The following FBXO22 variants were observed in gnomAD, a reference collection of about 807,000 sequenced individuals.
FBXO22 encodes F-box only protein 22.
A neutral mutation model predicts 37.2 loss-of-function variants in FBXO22; 13 were observed. That is an observed-to-expected ratio of 0.35 (90% CI 0.23 to 0.56). FBXO22 has a LOEUF of 0.56. Among genes scored for constraint, FBXO22 ranks in the 20% least tolerant of loss-of-function variants. The probability of loss-of-function intolerance (pLI) is 0.87; values close to 1 mark genes in which losing one functional copy is unlikely to be tolerated. For missense variants in FBXO22, 446 were observed against 509.9 expected (o/e 0.87, Z 1.21); for synonymous variants, 189 against 189.1 (o/e 1.00, Z 0.00).
chr15:75,916,088 CT>C (rs1044541624), intron 4 of FBXO22, among the ~76,000 whole-genome samples: 2 of 131,292 alleles, frequency 1.5e-5, no homozygotes, highest in Non-Finnish European at 3.3e-5. Flanking sequence ...AAGTTTATTT[CT>C]TTTTTTATAC....
At chr15:75,919,749 G>T (rs181291536) in intron 5 of FBXO22, among the ~76,000 whole-genome samples, 2 of 152,160 alleles carry the variant, frequency 1.3e-5, no homozygotes, top group Admixed American at 6.5e-5. Flanking sequence ...TGTAGTTTGT[G>T]GGGGGAATAG....
At chr15:75,918,903 A>T (rs1567053914) in intron 5 of FBXO22, among the ~76,000 whole-genome samples, 1 of 152,150 alleles carries the variant, frequency 6.6e-6, no homozygotes, top group Non-Finnish European at 1.5e-5. Context: ...TTGGAGGAAT[A>T]AGTTCTTGAG....
chr15:75,905,079 T>C (rs779656571), intron 2 of FBXO22, among the ~76,000 whole-genome samples: 7 of 152,198 alleles, frequency 4.6e-5, no homozygotes, highest in Non-Finnish European at 1.0e-4. Flanking sequence ...CGCCTCGGCC[T>C]CCCAAAGTGC....
rs370275260 is a variant in FBXO22, at chr15:75,914,422, T to C, written c.463+217T>C. Among the ~76,000 whole-genome samples, 42 of 152,324 alleles carry C rather than the reference T, an allele frequency of 2.8e-4. No homozygotes were observed. In the East Asian group the frequency reaches 7.7e-3, roughly 28 times the overall value. On this transcript the variant is annotated intron_variant, in intron 4 of 6. Coordinates refer to ENST00000308275, the MANE Select transcript of FBXO22 (RefSeq NM_147188.3). ...CAAGGTTACCTGTATAAATATCCAG[T>C]AGTCATTCATAAGAGGGGAATGATC...
rs573968452 is a variant in FBXO22, at chr15:75,936,994, G to A, written c.*3892G>A. 1 of 152,254 alleles carries A rather than the reference G, an allele frequency of 6.6e-6. No homozygotes were observed. The highest frequency in any genetic ancestry group is 1.5e-5 in the Non-Finnish European group (1 of 68,032). 9.4% of individuals were successfully genotyped at this position (152,254 alleles called of 1,614,324 possible). A position where few individuals can be genotyped will look rare whatever the true frequency, so the allele number is the denominator to read the frequency against. On this transcript the variant is annotated 3_prime_UTR_variant, in exon 7 of 7. Transcript: ENST00000308275. ...ATTGAAAGAAAATATATTTATTAAT[G>A]TTGCTTTTAAATGCAAATTATCAGA...
At chr15:75,916,868 A>C (rs1159231812) in intron 4 of FBXO22, among the ~76,000 whole-genome samples, 1 of 152,058 alleles carries the variant, frequency 6.6e-6, no homozygotes, top group African/African-American at 2.4e-5. Context: ...TAAACTTTTA[A>C]AAATTGGAAT....
chr15:75,918,901 A>G (rs1333926673), intron 5 of FBXO22, among the ~76,000 whole-genome samples: 2 of 152,194 alleles, frequency 1.3e-5, no homozygotes. Flanking sequence ...TTTTGGAGGA[A>G]TAAGTTCTTG....
rs1420953808 is a variant in FBXO22, at chr15:75,938,230, C to G, written c.*5128C>G. The G allele has an allele frequency of 6.6e-6, 1 of 152,108 alleles. No homozygotes were observed. The highest frequency in any genetic ancestry group is 1.5e-5 in the Non-Finnish European group (1 of 68,012). The allele number at this position is 152,108 out of a possible 1,614,324, so 9.4% of individuals were successfully genotyped here. ...AGTGATCACACACAGAAGGAATAGT[C>G]TTTTATAAAAATAATTTGGAAAACT... On this transcript the variant is annotated 3_prime_UTR_variant, in exon 7 of 7. Transcript: ENST00000308275.
chr15:75,937,634 G>C lies in FBXO22; in HGVS notation c.*4532G>C, dbSNP rs1219083005. 1 of 142,244 alleles carries C rather than the reference G, an allele frequency of 7.0e-6. No individual in the cohort carries two copies. Among genetic ancestry groups the C allele is most frequent in the Non-Finnish European group, 1.6e-5 (1 of 62,072 alleles). 8.8% of individuals were successfully genotyped at this position (142,244 alleles called of 1,614,324 possible). On this transcript the variant is annotated 3_prime_UTR_variant, in exon 7 of 7. Coordinates refer to ENST00000308275, the MANE Select transcript of FBXO22 (RefSeq NM_147188.3). ...ATCTGCAGAATGGTAGGAAAATATT[G>C]TGACTTTTTAGTGGCTCTTGCCCGA...
intron 5 of FBXO22, among the ~76,000 whole-genome samples, chr15:75,923,696 G>A (rs1006717612): frequency 6.6e-6 from 1 of 152,106 alleles, no homozygotes; most frequent in African/African-American, 2.4e-5. Flanking sequence ...ATTCAGTAGT[G>A]TATATATATT....
intron 3 of FBXO22, 133 bp downstream of exon 3, chr15:75,913,423 A>C: frequency 1.8e-6 from 1 of 568,774 alleles, no homozygotes. Context: ...AGTATGCATC[A>C]ATATATCTAT....
intron 6 of FBXO22, chr15:75,930,507 A>G (rs1328503188): frequency 1.0e-6 from 1 of 987,290 alleles, no homozygotes; most frequent in Non-Finnish European, 1.2e-6. Flanking sequence ...TTTGGTCACA[A>G]AACTTTTTTC....
At chr15:75,930,172 A>G in intron 6 of FBXO22, 123 bp downstream of exon 6, 1 of 1,529,540 alleles carries the variant, frequency 6.5e-7, no homozygotes, top group Non-Finnish European at 8.8e-7. Flanking sequence ...AGTTCATTCC[A>G]TTTTGTAGTA....
At chr15:75,918,321 G>GAA (rs1159069812) in intron 5 of FBXO22, among the ~76,000 whole-genome samples, 179 of 139,446 alleles carry the variant, frequency 1.3e-3, no homozygotes, top group African/African-American at 4.5e-3. Flanking sequence ...TGACAATGTG[G>GAA]AAAAAAAAAA....
In FBXO22 at chr15:75,913,222, A is replaced by T; in HGVS notation, c.299A>T (p.His100Leu). The change falls in exon 3 of 7, where the codon CAT becomes CTT. Residue 100 changes from histidine (H) to leucine (L), a missense_variant. By Grantham distance (99) the His-to-Leu change is moderately conservative. Around this residue, in one of 2 missense-constraint regions of FBXO22, gnomAD observed 315 missense variants for 410.1 expected, o/e 0.77. Coordinates refer to ENST00000308275, the MANE Select transcript of FBXO22 (RefSeq NM_147188.3). ...TTGCAGAATGTTCGCATCTTACCAC[A>T]TACAGTTCTTTACATGGCTGATTCA... Reference protein sequence around the residue: ...EELENVRILPHTVLYMADSET... With the variant: ...EELENVRILPLTVLYMADSET... 1 of 1,610,030 alleles carries T rather than the reference A, an allele frequency of 6.2e-7. No homozygotes were observed. Among genetic ancestry groups the T allele is most frequent in the Non-Finnish European group, 8.5e-7 (1 of 1,179,240 alleles).
At chr15:75,930,773 C>T in intron 6 of FBXO22, 1 of 985,372 alleles carries the variant, frequency 1.0e-6, no homozygotes, top group Non-Finnish European at 1.2e-6. Context: ...CAGACCCTAC[C>T]CCACCCTCAA....
chr15:75,909,450 G>A (rs1900000341), intron 2 of FBXO22, among the ~76,000 whole-genome samples: 1 of 152,182 alleles, frequency 6.6e-6, no homozygotes, highest in South Asian at 2.1e-4. Flanking sequence ...TGGAGGCTTG[G>A]AGTATTTGAT....
At chr15:75,917,470 G>T (rs1900216627) in intron 5 of FBXO22, 76 bp downstream of exon 5, 6 of 1,087,268 alleles carry the variant, frequency 5.5e-6, no homozygotes, top group Non-Finnish European at 7.9e-6. Flanking sequence ...TGGCTAGTTG[G>T]TGGATATTAG....
chr15:75,907,362 G>T (rs1244121940), intron 2 of FBXO22, among the ~76,000 whole-genome samples: 2 of 152,170 alleles, frequency 1.3e-5, no homozygotes, highest in East Asian at 3.8e-4. Context: ...AATACCAGGA[G>T]CATAAGTTCT....
Sources: gnomAD v4.1 joint callset for allele counts (sites outside exome capture counted in the v4.1 genomes callset) on GRCh38, gnomAD v4.1.1 for gene constraint, gnomAD v4.1.1 regional missense constraint, MANE v1.5 for transcripts, NCBI Gene and HGNC (gene_info 2026-07-23, HGNC 2026-07-21) for gene names.